GRIN3A: variants seen among roughly 807,000 people sequenced by gnomAD.
The protein encoded by GRIN3A is glutamate ionotropic receptor NMDA type subunit 3A.
GRIN3A carries 47 observed loss-of-function variants against 92.4 expected under a neutral mutation model. The observed-to-expected ratio is 0.51, with a 90% CI of 0.40 to 0.65. The LOEUF (loss-of-function observed/expected upper bound fraction) is 0.65, where lower values mean the gene tolerates loss of function less well. Ranked by LOEUF, GRIN3A falls within the 30% of genes least tolerant of loss-of-function variation. The pLI, the probability that GRIN3A is intolerant of heterozygous loss-of-function variation, is 0.00. For missense variants in GRIN3A, 1,324 were observed against 1,393.1 expected, an observed-to-expected ratio of 0.95 and a Z score of 0.79; for synonymous variants, 527 against 540.6, an observed-to-expected ratio of 0.97 and a Z score of 0.35.
chr9:101,599,215 G>A (rs1315827848), intron 6 of GRIN3A, among the ~76,000 whole-genome samples: 2 of 152,148 alleles, frequency 1.3e-5, no homozygotes, highest in African/African-American at 2.4e-5. Flanking sequence ...ATGAGGTAGC[G>A]TATATAGAAA....
intron 1 of GRIN3A, among the ~76,000 whole-genome samples, chr9:101,688,623 TA>T (rs1447603152): frequency 2.0e-5 from 3 of 152,074 alleles, no homozygotes; most frequent in African/African-American, 7.2e-5. Flanking sequence ...ATGGTCTTTT[TA>T]AAATTAAAAA....
At position 101,573,494 on chromosome 9, in the gene GRIN3A, G is replaced by T; in HGVS notation, c.3028C>A (p.Gln1010Lys). Residue 1010 changes from glutamine to lysine, a missense_variant, in exon 9 of 9, where the codon CAG becomes AAG. Physicochemically the swap from Gln to Lys is moderately conservative, Grantham distance 53. Transcript: ENST00000361820. ...TTGGAAGTATTCCATACGGTAAGCT[G>T]ACGGGGTCCCACATTAGACCTAGGA... ...VEKRSNVGPR[Q>K]LTVWNTSNLS... 1 of 1,613,918 alleles carries T rather than the reference G, an allele frequency of 6.2e-7. No homozygotes were observed.
At chr9:101,577,362 G>A (rs757277687) in intron 8 of GRIN3A, among the ~76,000 whole-genome samples, 2 of 152,062 alleles carry the variant, frequency 1.3e-5, no homozygotes, top group African/African-American at 2.4e-5. Context: ...TATTTATTAG[G>A]CATTTCCTTT....
At chr9:101,620,437 C>A (rs1828534656) in intron 5 of GRIN3A, among the ~76,000 whole-genome samples, 1 of 152,126 alleles carries the variant, frequency 6.6e-6, no homozygotes, top group Admixed American at 6.5e-5. Context: ...AACATTCAGA[C>A]CACAGCAGTA....
At chr9:101,611,817 A>G (rs1329431531) in intron 6 of GRIN3A, among the ~76,000 whole-genome samples, 1 of 152,220 alleles carries the variant, frequency 6.6e-6, no homozygotes, top group African/African-American at 2.4e-5. Flanking sequence ...GAGATTATGA[A>G]GGGAGATATG....
At chr9:101,707,765 T>A (rs562647467) in intron 1 of GRIN3A, among the ~76,000 whole-genome samples, 2 of 152,288 alleles carry the variant, frequency 1.3e-5, no homozygotes, top group South Asian at 4.1e-4. Flanking sequence ...GAATTAGGAT[T>A]TGGGATTAGT....
intron 3 of GRIN3A, among the ~76,000 whole-genome samples, chr9:101,646,421 C>G (rs1020890546): frequency 1.3e-4 from 20 of 151,772 alleles, no homozygotes; most frequent in African/African-American, 4.8e-4. Flanking sequence ...CTTACTATAG[C>G]TTTGTAGTAT....
chr9:101,724,242 G>C (rs1830054466), intron 1 of GRIN3A, among the ~76,000 whole-genome samples: 2 of 152,228 alleles, frequency 1.3e-5, no homozygotes, highest in African/African-American at 2.4e-5. Context: ...GCAGGCTGCA[G>C]GTCCCAGGCC....
intron 1 of GRIN3A, among the ~76,000 whole-genome samples, chr9:101,726,678 T>A (rs1364249097): frequency 6.6e-6 from 1 of 151,076 alleles, no homozygotes; most frequent in Non-Finnish European, 1.5e-5. Context: ...TATTTAAAAT[T>A]AAAAAAATAT....
chr9:101,628,961 A>T (rs1315623495), intron 3 of GRIN3A, among the ~76,000 whole-genome samples: 2 of 152,076 alleles, frequency 1.3e-5, no homozygotes, highest in Non-Finnish European at 2.9e-5. Context: ...TATTTTTTTT[A>T]ATAATTAGGT....
intron 5 of GRIN3A, among the ~76,000 whole-genome samples, chr9:101,617,993 C>A (rs1321375252): frequency 1.3e-5 from 2 of 151,916 alleles, no homozygotes; most frequent in Non-Finnish European, 2.9e-5. Flanking sequence ...TTTTTTATGG[C>A]TGCATAGTAT....
chr9:101,673,493 T>C (rs1270235350), intron 2 of GRIN3A, among the ~76,000 whole-genome samples: 3 of 152,112 alleles, frequency 2.0e-5, no homozygotes, highest in Non-Finnish European at 4.4e-5. Context: ...TTATGACAGA[T>C]TATTTGTGTC....
chr9:101,656,857 G>A (rs925451334), intron 3 of GRIN3A, among the ~76,000 whole-genome samples: 1 of 151,866 alleles, frequency 6.6e-6, no homozygotes, highest in African/African-American at 2.4e-5. Flanking sequence ...AGTAGAGAGC[G>A]ACAGGGATTT....
At chr9:101,730,686 A>C (rs919262837) in intron 1 of GRIN3A, among the ~76,000 whole-genome samples, 1 of 152,076 alleles carries the variant, frequency 6.6e-6, no homozygotes, top group Non-Finnish European at 1.5e-5. Flanking sequence ...GGCTCTCCTC[A>C]CAAAGTAACT....
At chr9:101,665,959 T>G (rs1829231763) in intron 3 of GRIN3A, among the ~76,000 whole-genome samples, 1 of 151,948 alleles carries the variant, frequency 6.6e-6, no homozygotes, top group South Asian at 2.1e-4. Flanking sequence ...TCTATTTTTT[T>G]CTGATAACCA....
At chr9:101,656,142 G>T (rs1829086101) in intron 3 of GRIN3A, among the ~76,000 whole-genome samples, 1 of 151,968 alleles carries the variant, frequency 6.6e-6, no homozygotes, top group African/African-American at 2.4e-5. Context: ...AGGGTAAAAG[G>T]CTTGCAAAAG....
At position 101,707,885 on chromosome 9, in the gene GRIN3A, GA is replaced by G. The variant is rs35483825; in HGVS notation, c.700-20686del. 2.9e-3 allele frequency among the ~76,000 whole-genome samples: 438 copies of G among 152,230 alleles called. 2 individuals are homozygous for G. The highest frequency in any genetic ancestry group is 4.7e-3 in the Non-Finnish European group (318 of 68,004). On this transcript the variant is annotated intron_variant, in intron 1 of 8. Coordinates refer to ENST00000361820, the MANE Select transcript of GRIN3A (RefSeq NM_133445.3). Reference sequence around the variant, plus strand: ...AATGTTTCTGCTAGGGAGGGGAGTGGAAAGGAGCATGAAGGCCGAAGTTGCT... The same window carrying G: ...AATGTTTCTGCTAGGGAGGGGAGTGGAAGGAGCATGAAGGCCGAAGTTGCT...
intron 6 of GRIN3A, chr9:101,594,486 C>T (rs1828081791): frequency 1.2e-6 from 2 of 1,614,054 alleles, no homozygotes; most frequent in South Asian, 1.1e-5. Context: ...GATATCTTCC[C>T]ATCGCCATCC....
intron 1 of GRIN3A, among the ~76,000 whole-genome samples, chr9:101,698,826 G>A (rs1009802609): frequency 1.4e-4 from 22 of 151,920 alleles, no homozygotes; most frequent in African/African-American, 2.9e-4. Flanking sequence ...GAGCCACCAC[G>A]CCTGGCTAAT....
Sources: gnomAD v4.1 joint callset for allele counts (sites outside exome capture counted in the v4.1 genomes callset) on GRCh38, gnomAD v4.1.1 for gene constraint, MANE v1.5 for transcripts, NCBI Gene and HGNC (gene_info 2026-07-23, HGNC 2026-07-21) for gene names.